CDH9: variants seen among roughly 807,000 people sequenced by gnomAD.
The protein encoded by CDH9 is cadherin 9, also known as cadherin-9.
CDH9 carries 28 observed loss-of-function variants against 70.9 expected under a neutral mutation model. The ratio of observed to expected loss-of-function variants is 0.40; its 90% CI spans 0.29 to 0.54. The LOEUF (loss-of-function observed/expected upper bound fraction) is 0.54, where lower values mean the gene tolerates loss of function less well. Ranked by LOEUF, CDH9 falls within the 20% of genes least tolerant of loss-of-function variation. The pLI is 0.59. For missense variants in CDH9, 874 were observed against 984.4 expected (o/e 0.89, Z 1.50); for synonymous variants, 409 against 343.1 (o/e 1.19, Z -2.12).
chr5:26,906,514 A>T (rs769615766), intron 4 of CDH9, among the ~76,000 whole-genome samples: 1 of 152,194 alleles, frequency 6.6e-6, no homozygotes, highest in East Asian at 1.9e-4. Context: ...AAACCCAATG[A>T]ATAATAGTTT....
At chr5:26,975,965 G>A (rs1054705428) in intron 2 of CDH9, among the ~76,000 whole-genome samples, 12 of 152,224 alleles carry the variant, frequency 7.9e-5, no homozygotes, top group Non-Finnish European at 1.8e-4. Context: ...AGGAGTCACA[G>A]AGAGTGAAAC....
intron 2 of CDH9, among the ~76,000 whole-genome samples, chr5:26,972,900 G>A (rs1036917379): frequency 1.4e-5 from 2 of 147,760 alleles, no homozygotes; most frequent in African/African-American, 5.0e-5. Flanking sequence ...GTCTCGCTCT[G>A]TCACCCAGGC....
At chr5:27,027,484 T>C in intron 1 of CDH9, among the ~76,000 whole-genome samples, 1 of 151,984 alleles carries the variant, frequency 6.6e-6, no homozygotes, top group Non-Finnish European at 1.5e-5. Flanking sequence ...AGCCATCAAT[T>C]GTGTCTCCTC....
chr5:26,991,256 C>T (rs529120213), intron 1 of CDH9, among the ~76,000 whole-genome samples: 5 of 152,134 alleles, frequency 3.3e-5, no homozygotes, highest in African/African-American at 7.2e-5. Flanking sequence ...TGGCCACACA[C>T]CCACACTCCA....
intron 2 of CDH9, among the ~76,000 whole-genome samples, chr5:26,958,303 T>C (rs1042143841): frequency 1.3e-5 from 2 of 152,128 alleles, no homozygotes; most frequent in African/African-American, 2.4e-5. Context: ...CAAACCAACA[T>C]TGTGAAAGAG....
chr5:26,988,075 G>A (rs1378040169), intron 2 of CDH9, 31 bp downstream of exon 2: 1 of 1,509,960 alleles, frequency 6.6e-7, no homozygotes, highest in Non-Finnish European at 9.1e-7. Flanking sequence ...GTCACTTTCA[G>A]CTTTTAGATT....
intron 10 of CDH9, 23 bp downstream of exon 10, chr5:26,885,943 T>A: frequency 6.3e-7 from 1 of 1,588,244 alleles, no homozygotes; most frequent in Non-Finnish European, 8.6e-7. Context: ...TCATAATTTT[T>A]AGTTTTAGAA....
chr5:26,950,584 C>T (rs1486512321), intron 2 of CDH9, among the ~76,000 whole-genome samples: 1 of 151,990 alleles, frequency 6.6e-6, no homozygotes, highest in African/African-American at 2.4e-5. Flanking sequence ...CACATCAGTT[C>T]CTGCTGCATC....
intron 1 of CDH9, among the ~76,000 whole-genome samples, chr5:26,996,485 C>G (rs890611815): frequency 6.6e-6 from 1 of 151,778 alleles, no homozygotes; most frequent in South Asian, 2.1e-4. Context: ...GTCTCTCATA[C>G]CAGTTGGGGA....
At chr5:26,992,468 G>C (rs1032397213) in intron 1 of CDH9, among the ~76,000 whole-genome samples, 1 of 152,170 alleles carries the variant, frequency 6.6e-6, no homozygotes, top group Non-Finnish European at 1.5e-5. Flanking sequence ...GTCCTCACCA[G>C]ACACCAAATC....
intron 2 of CDH9, among the ~76,000 whole-genome samples, chr5:26,963,727 C>T (rs1332216609): frequency 6.6e-6 from 1 of 151,888 alleles, no homozygotes; most frequent in Non-Finnish European, 1.5e-5. Context: ...ATGCCTTTGG[C>T]CTTCTTTAAA....
intron 2 of CDH9, among the ~76,000 whole-genome samples, chr5:26,916,878 T>C (rs1741158618): frequency 6.6e-6 from 1 of 152,006 alleles, no homozygotes; most frequent in Non-Finnish European, 1.5e-5. Context: ...AGATTTCAAG[T>C]AATATAAAAC....
At chr5:27,035,009 A>G (rs577878137) in intron 1 of CDH9, among the ~76,000 whole-genome samples, 36 of 151,510 alleles carry the variant, frequency 2.4e-4, no homozygotes, top group African/African-American at 8.7e-4. Flanking sequence ...ATTGTTTTCA[A>G]TAATCTATAC....
chr5:26,952,714 G>A (rs1169490588), intron 2 of CDH9, among the ~76,000 whole-genome samples: 2 of 147,822 alleles, frequency 1.4e-5, no homozygotes, highest in Non-Finnish European at 3.0e-5. Context: ...AAGATGAAAA[G>A]TAGTCCTCAT....
chr5:26,942,153 A>C (rs1334686858), intron 2 of CDH9, among the ~76,000 whole-genome samples: 3 of 152,218 alleles, frequency 2.0e-5, no homozygotes, highest in African/African-American at 7.2e-5. Flanking sequence ...AAGCAAACAC[A>C]TCCTTATTCA....
chr5:26,934,566 C>T (rs1326387370), intron 2 of CDH9, among the ~76,000 whole-genome samples: 1 of 152,112 alleles, frequency 6.6e-6, no homozygotes, highest in East Asian at 1.9e-4. Context: ...CCACCAGGCC[C>T]CACCTCCAAC....
intron 1 of CDH9, among the ~76,000 whole-genome samples, chr5:27,008,349 G>C (rs1019138346): frequency 2.6e-5 from 4 of 152,024 alleles, no homozygotes; most frequent in African/African-American, 4.8e-5. Flanking sequence ...AATCAGCTGA[G>C]TGTGGTGGCG....
chr5:26,930,196 C>T (rs373773420), intron 2 of CDH9, among the ~76,000 whole-genome samples: 3 of 151,958 alleles, frequency 2.0e-5, no homozygotes, highest in African/African-American at 7.2e-5. Context: ...GGACAAATTA[C>T]TTCCCAATCA....
intron 1 of CDH9, among the ~76,000 whole-genome samples, chr5:27,017,288 C>A (rs1362417613): frequency 1.3e-5 from 2 of 151,856 alleles, no homozygotes; most frequent in African/African-American, 4.8e-5. Flanking sequence ...CCTTTATTTT[C>A]CTAACATCAA....
Sources: gnomAD v4.1 joint callset for allele counts (sites outside exome capture counted in the v4.1 genomes callset) on GRCh38, gnomAD v4.1.1 for gene constraint, MANE v1.5 for transcripts, NCBI Gene and HGNC (gene_info 2026-07-23, HGNC 2026-07-21) for gene names.